The following PCID2 variants were observed in gnomAD, a reference collection of about 807,000 sequenced individuals.
PCID2 encodes the protein PCI domain-containing protein 2.
In PCID2, 41 loss-of-function variants were observed where a neutral mutation model predicts 61.3. That is an observed-to-expected ratio of 0.67 (90% CI 0.52 to 0.87). PCID2 has a LOEUF of 0.87. PCID2 is among the 40% of genes least tolerant of loss of function. The probability of loss-of-function intolerance (pLI) is 0.00; values close to 1 mark genes in which losing one functional copy is unlikely to be tolerated. For missense variants in PCID2, 392 were observed against 493.4 expected, an observed-to-expected ratio of 0.79 and a Z score of 1.95; for synonymous variants, 187 against 177.8, an observed-to-expected ratio of 1.05 and a Z score of -0.41.
At chr13:113,202,513 C>T (rs926707376) in intron 1 of PCID2, among the ~76,000 whole-genome samples, 1 of 152,172 alleles carries the variant, frequency 6.6e-6, no homozygotes, top group African/African-American at 2.4e-5. Flanking sequence ...TGTGAAACAT[C>T]TATTTTAAGG....
chr13:113,175,498 T>C (rs2037171161), downstream of PCID2, among the ~76,000 whole-genome samples: 1 of 152,216 alleles, frequency 6.6e-6, no homozygotes, highest in Non-Finnish European at 1.5e-5. Flanking sequence ...TCAAGGCCCA[T>C]GCAGAGCAGC....
intron 7 of PCID2, among the ~76,000 whole-genome samples, chr13:113,188,890 G>A (rs1236395105): frequency 6.6e-6 from 1 of 152,170 alleles, no homozygotes; most frequent in Non-Finnish European, 1.5e-5. Context: ...AGGCTACAGA[G>A]TTTATTGGCA....
At chr13:113,165,103 C>T in the PCID2 span, 7 of 1,612,182 alleles carry the variant, frequency 4.3e-6, no homozygotes, top group African/African-American at 2.7e-5. Flanking sequence ...ACCGGATCTA[C>T]AGGACCTCCC....
chr13:113,205,059 A>G (rs1373245185), intron 1 of PCID2, among the ~76,000 whole-genome samples: 1 of 152,228 alleles, frequency 6.6e-6, no homozygotes, highest in Non-Finnish European at 1.5e-5. Context: ...CTTGGAACTC[A>G]TAACTCTTTT....
chr13:113,200,447 CAT>C lies in PCID2; in HGVS notation c.104_105del (p.His35ArgfsTer24). ...CAELVSFKHP[H>X]VANPRLQMAS... ...CCTACTTGAAGTCGTGGGTTTGCAA[CAT>C]GAGGATGTTTAAAAGACACCAACTC... On this transcript the variant is annotated frameshift_variant, in exon 2 of 14. Transcript: ENST00000337344. LOFTEE classifies it high-confidence loss of function. The C allele has an allele frequency of 6.2e-7, 1 of 1,612,004 alleles. No homozygotes were observed. The highest frequency in any genetic ancestry group is 8.5e-7 in the Non-Finnish European group (1 of 1,178,034).
chr13:113,196,939 A>G lies in PCID2; in HGVS notation c.266+239T>C, dbSNP rs2039057702. Reference sequence around the variant, plus strand: ...AACAAAGCATTCTTCTTCTCAGCAGAGTAAGATCCTTCTTCCTAACCAGTG... The same window carrying G: ...AACAAAGCATTCTTCTTCTCAGCAGGGTAAGATCCTTCTTCCTAACCAGTG... On this transcript the variant is annotated intron_variant, in intron 4 of 13. Coordinates refer to ENST00000337344, the MANE Select transcript of PCID2 (RefSeq NM_001127202.4). 7.8e-6 allele frequency: 8 copies of G among 1,027,230 alleles called. No individual in the cohort carries two copies. In the South Asian group the frequency reaches 1.0e-4, roughly 13 times the overall value. 63.6% of individuals were successfully genotyped at this position (1,027,230 alleles called of 1,614,324 possible).
intron 1 of PCID2, chr13:113,208,387 C>A: frequency 6.9e-7 from 1 of 1,439,910 alleles, no homozygotes; most frequent in Non-Finnish European, 9.1e-7. Context: ...CACCGCCCGG[C>A]CCCCACGGCG....
intron 3 of PCID2, among the ~76,000 whole-genome samples, chr13:113,197,939 C>T (rs1024419965): frequency 3.3e-5 from 5 of 152,196 alleles, no homozygotes; most frequent in African/African-American, 4.8e-5. Context: ...GTGAACAGTT[C>T]GGCTCCAAAC....
At chr13:113,194,237 T>G (rs537004326) in intron 6 of PCID2, among the ~76,000 whole-genome samples, 1 of 152,330 alleles carries the variant, frequency 6.6e-6, no homozygotes, top group South Asian at 2.1e-4. Flanking sequence ...CGCCTGGCAC[T>G]GGAGTGAGGC....
At chr13:113,183,054 C>G (rs1366755578) in intron 9 of PCID2, among the ~76,000 whole-genome samples, 1 of 152,192 alleles carries the variant, frequency 6.6e-6, no homozygotes, top group African/African-American at 2.4e-5. Flanking sequence ...TAAATACAAT[C>G]AGGGCTCTAG....
In PCID2 at chr13:113,208,374, G is replaced by A. The variant is rs1256107474; in HGVS notation, c.36+225C>T. 9 of 1,434,484 alleles carry A rather than the reference G, an allele frequency of 6.3e-6. No individual in the cohort carries two copies. In the African/African-American group the frequency reaches 1.2e-4, roughly 18 times the overall value. The allele number at this position is 1,434,484 out of a possible 1,614,324, so 88.9% of individuals were successfully genotyped here. On this transcript the variant is annotated intron_variant, in intron 1 of 13. Transcript: ENST00000337344. The stretch of plus-strand genomic sequence containing the variant: ...ACACCGCGACGACTCCGCGATCCAC[G>A]GACACCGCCCGGCCCCCACGGCGGC...
intron 1 of PCID2, among the ~76,000 whole-genome samples, chr13:113,207,216 T>C (rs1488180955): frequency 1.3e-5 from 2 of 152,246 alleles, no homozygotes; most frequent in Non-Finnish European, 2.9e-5. Flanking sequence ...GAACCTGTTA[T>C]GGTAGTTATG....
chr13:113,179,516 G>A lies in PCID2; in HGVS notation c.986+401C>T, dbSNP rs1053802278. On this transcript the variant is annotated intron_variant, in intron 12 of 13. Transcript: ENST00000337344. This position sits in a 1 kb window ranked among gnomAD's most constrained non-coding sequence, Gnocchi z 4.3. ...TGGGACGAGGCCTCAGAAGACGTGT[G>A]AGGAAAGGAATGACGATCTCTGCAT... Among the ~76,000 whole-genome samples, 7 of 152,038 alleles carry A rather than the reference G, an allele frequency of 4.6e-5. No homozygotes were observed. Among genetic ancestry groups the A allele is most frequent in the Non-Finnish European group, 8.8e-5 (6 of 68,028 alleles).
In PCID2 at chr13:113,177,541, T is replaced by C. The variant is rs760433352; in HGVS notation, c.*657A>G. On this transcript the variant is annotated 3_prime_UTR_variant, in exon 14 of 14. Coordinates refer to ENST00000337344, the MANE Select transcript of PCID2 (RefSeq NM_001127202.4). ...GGCTAGAGTGAGCCATAATGTTTAGTAGCAGGTGTATTAAATGTATTTTCA... is the reference window on the plus strand; with the variant it reads ...GGCTAGAGTGAGCCATAATGTTTAGCAGCAGGTGTATTAAATGTATTTTCA... The C allele has an allele frequency of 6.6e-6, 1 of 152,254 alleles. No homozygotes were observed. The allele number at this position is 152,254 out of a possible 1,614,324, so 9.4% of individuals were successfully genotyped here.
chr13:113,194,176 C>G (rs1272953382), intron 6 of PCID2, among the ~76,000 whole-genome samples: 4 of 152,194 alleles, frequency 2.6e-5, no homozygotes, highest in Admixed American at 6.5e-5. Flanking sequence ...GGGCCACCCC[C>G]AGTCCGCACC....
Position 113,181,098 on chromosome 13 carries a change from G to A in PCID2, c.786+32C>T, listed in dbSNP as rs773919373. On this transcript the variant is annotated intron_variant, in intron 10 of 13. Coordinates refer to ENST00000337344, the MANE Select transcript of PCID2 (RefSeq NM_001127202.4). ...AGCTGTCAACTTTGTGAAAGCACCA[G>A]GATCTATAAACATGGAGTAATAATC... is the stretch of plus-strand genomic sequence containing the variant. 5.0e-6 allele frequency: 7 copies of A among 1,394,554 alleles called. No homozygotes were observed. The South Asian group carries it at 6.9e-5, about 14-fold the overall frequency. 86.4% of individuals were successfully genotyped at this position (1,394,554 alleles called of 1,614,324 possible).
At chr13:113,194,817 AC>A (rs1179921466) in intron 6 of PCID2, among the ~76,000 whole-genome samples, 2 of 152,186 alleles carry the variant, frequency 1.3e-5, no homozygotes, top group African/African-American at 2.4e-5. Flanking sequence ...AATAACACAT[AC>A]CATAAATGGT....
rs2037470436 is a variant in PCID2, at chr13:113,179,916, C to T, written c.986+1G>A. On this transcript the variant is annotated splice_donor_variant, in intron 12 of 13. Transcript: ENST00000337344. LOFTEE classifies it high-confidence loss of function. The surrounding 1 kb of genome is among the most constrained non-coding windows in gnomAD (Gnocchi z 4.3). ...GCCCAATGTGCCGGGGAAATGCTTA[C>T]ACTTTCTTAAAGAGGTTCCTGTAGG... 6.2e-7 allele frequency: 1 copy of T among 1,611,960 alleles called. No individual in the cohort carries two copies. The highest frequency in any genetic ancestry group is 8.5e-7 in the Non-Finnish European group (1 of 1,179,006).
chr13:113,198,305 G>A (rs2039168028), intron 2 of PCID2, 41 bp from the exon 3 acceptor site: 1 of 1,225,066 alleles, frequency 8.2e-7, no homozygotes, highest in Non-Finnish European at 1.2e-6. Context: ...AAAATTAATA[G>A]GCACAGAAAG....
Sources: allele counts gnomAD v4.1 joint callset (sites outside exome capture counted in the v4.1 genomes callset), GRCh38; gene constraint gnomAD v4.1.1; non-coding constraint Gnocchi (gnomAD v3.1); transcripts MANE v1.5; gene names NCBI Gene and HGNC (gene_info 2026-07-23, HGNC 2026-07-21).